Variants in SFTPD observed in about 807,000 individuals in gnomAD.
SFTPD encodes surfactant protein D, also known as pulmonary surfactant-associated protein D.
In SFTPD, 18 loss-of-function variants were observed where a neutral mutation model predicts 34.6. That is an observed-to-expected ratio of 0.52 (90% confidence interval 0.36 to 0.77). The LOEUF (loss-of-function observed/expected upper bound fraction) is 0.77, where lower values mean the gene tolerates loss of function less well. SFTPD is among the 30% of genes least tolerant of loss of function. The pLI is 0.00. For missense variants in SFTPD, 433 were observed against 468.9 expected (o/e 0.92, Z 0.71); for synonymous variants, 155 against 180.9 (o/e 0.86, Z 1.15).
chr10:79,942,918 G>A, intron 2 of SFTPD, 39 bp from the exon 3 acceptor site: 1 of 1,358,534 alleles, frequency 7.4e-7, no homozygotes, highest in Non-Finnish European at 1.1e-6. Flanking sequence ...CCTGGCCCTA[G>A]ACCCAGAAAG....
At chr10:79,963,218 C>A (rs1168769102) in intron 1 of SFTPD, among the ~76,000 whole-genome samples, 5 of 151,962 alleles carry the variant, frequency 3.3e-5, no homozygotes, top group Non-Finnish European at 7.4e-5. Flanking sequence ...TGATACATTC[C>A]TGCAGTCCTA....
At chr10:79,946,728 T>G in intron 1 of SFTPD, 66 bp from the exon 2 acceptor site, 1 of 1,460,832 alleles carries the variant, frequency 6.8e-7, no homozygotes, top group Non-Finnish European at 9.4e-7. Context: ...AGGGCTTGGC[T>G]CAGCTTCTAG....
intron 1 of SFTPD, among the ~76,000 whole-genome samples, chr10:79,963,075 G>A (rs1842783928): frequency 6.6e-6 from 1 of 152,070 alleles, no homozygotes; most frequent in African/African-American, 2.4e-5. Flanking sequence ...GGGCACAGTG[G>A]TTCACATCTG....
At chr10:79,962,060 C>T (rs1172230157) in intron 1 of SFTPD, among the ~76,000 whole-genome samples, 1 of 145,758 alleles carries the variant, frequency 6.9e-6, no homozygotes. Flanking sequence ...AAACCAAACA[C>T]CACATGTTCT....
rs910442860 is a variant in SFTPD, at chr10:79,982,329, C to T, written c.36+246G>A. On this transcript the variant is annotated intron_variant, in intron 1 of 5. Transcript: ENST00000444384. ...CCCAGTGGGCACCAGCCCAGCGCCT[C>T]GGGCGGCGCTGCTGCGAAGGCCCTG... 4.6e-5 allele frequency: 44 copies of T among 962,054 alleles called. 1 individual carries two copies. In the African/African-American group the frequency reaches 7.3e-4, roughly 16 times the overall value. The allele number at this position is 962,054 out of a possible 1,614,324, so 59.6% of individuals were successfully genotyped here.
intron 6 of SFTPD, 76 bp downstream of exon 6, chr10:79,941,322 C>G (rs1376884046): frequency 7.7e-7 from 1 of 1,297,774 alleles, no homozygotes; most frequent in Non-Finnish European, 1.1e-6. Flanking sequence ...AGCCCCTCCT[C>G]TGGGATGAGG....
At chr10:79,977,191 G>C (rs979044529) in intron 1 of SFTPD, among the ~76,000 whole-genome samples, 2 of 152,198 alleles carry the variant, frequency 1.3e-5, no homozygotes, top group African/African-American at 4.8e-5. Flanking sequence ...CTTAGTTCCT[G>C]GCTGGGTGCC....
intron 1 of SFTPD, chr10:79,968,911 C>T (rs904022681): frequency 6.6e-6 from 1 of 152,004 alleles, no homozygotes; most frequent in Non-Finnish European, 1.5e-5. Context: ...TTGCATTTAT[C>T]TGATGATTAG....
chr10:79,949,280 A>G (rs1589337271), upstream of SFTPD, among the ~76,000 whole-genome samples: 1 of 152,190 alleles, frequency 6.6e-6, no homozygotes, highest in South Asian at 2.1e-4. Flanking sequence ...ATGCACATCC[A>G]TCACTATAGT....
upstream of SFTPD, among the ~76,000 whole-genome samples, chr10:79,949,717 C>CTTAGCA (rs1842697767): frequency 6.6e-6 from 1 of 152,218 alleles, no homozygotes; most frequent in Non-Finnish European, 1.5e-5. Context: ...ATGGATTTCC[C>CTTAGCA]TTAGCAGACC....
chr10:79,942,678 G>C (rs1331997743), intron 3 of SFTPD, 85 bp downstream of exon 3: 2 of 1,035,662 alleles, frequency 1.9e-6, no homozygotes, highest in African/African-American at 3.1e-5. Context: ...TTCTTCCTGG[G>C]ATGGGCTCTG....
At chr10:79,973,689 T>G (rs1842848146) in intron 1 of SFTPD, among the ~76,000 whole-genome samples, 1 of 151,172 alleles carries the variant, frequency 6.6e-6, no homozygotes. Flanking sequence ...CAATATACCC[T>G]CTGTCCCATC....
chr10:79,982,320 C>A, intron 1 of SFTPD: 2 of 970,170 alleles, frequency 2.1e-6, no homozygotes, highest in Non-Finnish European at 2.7e-6. Context: ...GGGCACCAGC[C>A]CAGCGCCTCG....
intron 1 of SFTPD, chr10:79,982,356 C>A: frequency 9.9e-7 from 1 of 1,009,232 alleles, no homozygotes; most frequent in Non-Finnish European, 1.3e-6. Flanking sequence ...AAGGCCCTGG[C>A]AGCCCCGCGC....
rs2839718 is a variant in SFTPD at position 79,942,457 on chromosome 10, G to A, written c.364C>T (p.Pro122Ser). 3.5e-5 allele frequency: 56 copies of A among 1,613,470 alleles called. No individual in the cohort carries two copies. Among genetic ancestry groups the A allele is most frequent in the Non-Finnish European group, 4.3e-5 (51 of 1,179,624 alleles). The change falls in exon 4 of 8, where the codon CCC (proline) becomes TCC (serine). Residue 122 changes from proline (P) to serine (S), a missense_variant. Pro to Ser is a moderately conservative substitution (Grantham distance 74, BLOSUM62 -1). Coordinates refer to ENST00000372292, the MANE Select transcript of SFTPD (RefSeq NM_003019.5). ...CCTATGTTCCCCTGCTTCCCCAGGG[G>A]ACCTTCTCTTCCAGCTGGACCAGGC... is the stretch of plus-strand genomic sequence containing the variant. ...GVPGPAGREG[P>S]LGKQGNIGPQ...
chr10:79,961,366 A>G (rs1391405341), intron 1 of SFTPD, among the ~76,000 whole-genome samples: 1 of 152,196 alleles, frequency 6.6e-6, no homozygotes, highest in Non-Finnish European at 1.5e-5. Flanking sequence ...GGTAACCTAT[A>G]AAATGGGACA....
At chr10:79,974,392 G>A (rs1317855389) in intron 1 of SFTPD, among the ~76,000 whole-genome samples, 1 of 151,654 alleles carries the variant, frequency 6.6e-6, no homozygotes, top group Non-Finnish European at 1.5e-5. Flanking sequence ...CTCATGATCT[G>A]CCCGCCTCAG....
At chr10:79,969,876 C>A (rs1245689920) in intron 1 of SFTPD, 1 of 152,080 alleles carries the variant, frequency 6.6e-6, no homozygotes, top group African/African-American at 2.4e-5. Flanking sequence ...ATACAGAAGG[C>A]TTTTAATTTG....
chr10:79,940,697 G>A lies in SFTPD; in HGVS notation c.751+8C>T. ...GTGCTGGGTCCAGGTTCAGATCCAG[G>A]AACTCACCTTTCTTATACTGAGAGA... On this transcript the variant is annotated splice_region_variant and intron_variant, in intron 7 of 7. Transcript: ENST00000372292. 6.3e-7 allele frequency: 1 copy of A among 1,577,974 alleles called. No individual in the cohort carries two copies. The highest frequency in any genetic ancestry group is 8.7e-7 in the Non-Finnish European group (1 of 1,148,808).
Sources: gnomAD v4.1 joint callset for allele counts (sites outside exome capture counted in the v4.1 genomes callset) on GRCh38, gnomAD v4.1.1 for gene constraint, MANE v1.5 for transcripts, NCBI Gene and HGNC (gene_info 2026-07-23, HGNC 2026-07-21) for gene names.